Variants in CDH13 observed in about 807,000 individuals in gnomAD.
CDH13 encodes cadherin-13.
Under a neutral mutation model 63.8 loss-of-function variants are expected in CDH13, and 24 were observed. That is an observed-to-expected ratio of 0.38 (90% CI 0.27 to 0.53). CDH13 has a LOEUF of 0.53. Among genes scored for constraint, CDH13 ranks in the 20% least tolerant of loss-of-function variants. CDH13 has a pLI of 0.85. For missense variants in CDH13, 1,049 were observed against 903.1 expected (o/e 1.16, Z -2.07); for synonymous variants, 503 against 355.3 (o/e 1.42, Z -4.67).
chr16:83,255,677 G>A (rs1221569230), intron 5 of CDH13, among the ~76,000 whole-genome samples: 2 of 152,074 alleles, frequency 1.3e-5, no homozygotes, highest in African/African-American at 2.4e-5. Context: ...GGATAAATAC[G>A]GAATTCTAGG....
chr16:83,511,050 G>A (rs373475817), intron 7 of CDH13, among the ~76,000 whole-genome samples: 1 of 126,746 alleles, frequency 7.9e-6, no homozygotes, highest in Non-Finnish European at 1.7e-5. Context: ...GCACACGTGT[G>A]TGCACACACA....
intron 1 of CDH13, among the ~76,000 whole-genome samples, chr16:82,721,624 T>TGAAC (rs2032776055): frequency 6.6e-6 from 1 of 152,174 alleles, no homozygotes; most frequent in African/African-American, 2.4e-5. Flanking sequence ...AATTAAAAGA[T>TGAAC]GAACCATAGG....
intron 5 of CDH13, among the ~76,000 whole-genome samples, chr16:83,253,227 C>T (rs868401785): frequency 7.9e-5 from 12 of 152,084 alleles, no homozygotes; most frequent in African/African-American, 2.7e-4. Flanking sequence ...TTTATGATTC[C>T]GTAAAAGGCT....
chr16:83,742,795 G>A (rs1307976665), intron 10 of CDH13, among the ~76,000 whole-genome samples: 1 of 152,182 alleles, frequency 6.6e-6, no homozygotes, highest in South Asian at 2.1e-4. Context: ...ATGAGTGTCC[G>A]TCTGTCCTCC....
intron 6 of CDH13, among the ~76,000 whole-genome samples, chr16:83,386,329 G>A (rs1005556005): frequency 3.9e-5 from 6 of 152,168 alleles, no homozygotes; most frequent in African/African-American, 7.2e-5. Flanking sequence ...AGGGATAGGC[G>A]TCCCAGGATG....
At chr16:83,644,668 G>A (rs1345739559) in intron 8 of CDH13, among the ~76,000 whole-genome samples, 1 of 152,204 alleles carries the variant, frequency 6.6e-6, no homozygotes, top group Non-Finnish European at 1.5e-5. Flanking sequence ...AGAGGATGAG[G>A]TTCATGGTCC....
At chr16:82,745,529 G>C (rs866191271) in intron 1 of CDH13, among the ~76,000 whole-genome samples, 1 of 152,070 alleles carries the variant, frequency 6.6e-6, no homozygotes, top group Admixed American at 6.6e-5. Flanking sequence ...ACTTGAACAC[G>C]GGAGGTGGAG....
intron 2 of CDH13, among the ~76,000 whole-genome samples, chr16:82,970,013 G>T (rs540855814): frequency 6.6e-6 from 1 of 151,540 alleles, no homozygotes; most frequent in African/African-American, 2.4e-5. Flanking sequence ...AGGTATACAC[G>T]TGCTATGGTG....
At chr16:82,822,280 G>A (rs2038039498) in intron 1 of CDH13, among the ~76,000 whole-genome samples, 1 of 152,136 alleles carries the variant, frequency 6.6e-6, no homozygotes, top group Non-Finnish European at 1.5e-5. Context: ...ACACAAATGA[G>A]TACTGTGGAG....
chr16:83,001,255 T>C (rs141373857), intron 2 of CDH13, among the ~76,000 whole-genome samples: 2 of 152,266 alleles, frequency 1.3e-5, no homozygotes, highest in African/African-American at 2.4e-5. Flanking sequence ...TTCCATCTTC[T>C]TAAGTCGTTC....
intron 6 of CDH13, among the ~76,000 whole-genome samples, chr16:83,446,962 T>C (rs1480416239): frequency 6.7e-6 from 1 of 149,632 alleles, no homozygotes; most frequent in African/African-American, 2.5e-5. Context: ...GATGCATTAC[T>C]GCCACCTAAT....
At chr16:83,715,451 G>A (rs530221062) in intron 10 of CDH13, among the ~76,000 whole-genome samples, 25 of 152,124 alleles carry the variant, frequency 1.6e-4, no homozygotes, top group Non-Finnish European at 2.9e-4. Flanking sequence ...CTGCGGTAAG[G>A]GAGCCAGGAT....
intron 10 of CDH13, among the ~76,000 whole-genome samples, chr16:83,695,893 CT>C (rs199731349): frequency 0.13 from 18,310 of 142,920 alleles, 1,210 homozygotes; most frequent in Middle Eastern, 0.26. Context: ...TGCCAAAGAA[CT>C]TTTTTTTTTT....
intron 4 of CDH13, among the ~76,000 whole-genome samples, chr16:83,170,162 C>G (rs527843530): frequency 6.6e-6 from 1 of 152,252 alleles, no homozygotes; most frequent in African/African-American, 2.4e-5. Flanking sequence ...TGTTCCAACA[C>G]TCATAGTTTT....
intron 1 of CDH13, among the ~76,000 whole-genome samples, chr16:82,710,305 G>A (rs2199431): frequency 0.34 from 48,885 of 143,216 alleles, 9,602 homozygotes; most frequent in East Asian, 0.58. Context: ...AGGTGGAGGC[G>A]GGTGGATCAT....
At chr16:83,469,744 G>A (rs746904089) in intron 6 of CDH13, among the ~76,000 whole-genome samples, 3 of 152,174 alleles carry the variant, frequency 2.0e-5, no homozygotes, top group Non-Finnish European at 4.4e-5. Flanking sequence ...AAAGACTGGG[G>A]TTGAATAAAA....
intron 8 of CDH13, among the ~76,000 whole-genome samples, chr16:83,643,226 A>C (rs1165450065): frequency 1.4e-5 from 1 of 71,982 alleles, no homozygotes; most frequent in Non-Finnish European, 2.6e-5. Flanking sequence ...TGGCACATGT[A>C]TACATATGTA....
intron 7 of CDH13, among the ~76,000 whole-genome samples, chr16:83,593,360 G>C (rs576852615): frequency 6.6e-5 from 10 of 152,270 alleles, no homozygotes; most frequent in Admixed American, 2.0e-4. Flanking sequence ...CAGCATGTGT[G>C]TGCTGGAGCC....
intron 4 of CDH13, among the ~76,000 whole-genome samples, chr16:83,209,551 G>T (rs1363920765): frequency 6.6e-6 from 1 of 152,206 alleles, no homozygotes; most frequent in Non-Finnish European, 1.5e-5. Context: ...TTGTATGACA[G>T]ACCTTATTTT....
Sources: allele counts gnomAD v4.1 joint callset (sites outside exome capture counted in the v4.1 genomes callset), GRCh38; gene constraint gnomAD v4.1.1; transcripts MANE v1.5; gene names NCBI Gene and HGNC (gene_info 2026-07-23, HGNC 2026-07-21).